C12orf42: variants seen among roughly 807,000 people sequenced by gnomAD.
The protein encoded by C12orf42 is uncharacterized protein C12orf42.
A neutral mutation model predicts 21.6 loss-of-function variants in C12orf42; 25 were observed. The observed-to-expected ratio is 1.16, with a 90% CI of 0.84 to 1.62. C12orf42 has a LOEUF of 1.62. Among genes scored for constraint, C12orf42 ranks in the 40% most tolerant of loss-of-function variants. The pLI, the probability that C12orf42 is intolerant of heterozygous loss-of-function variation, is 0.00. For missense variants in C12orf42, 483 were observed against 459.3 expected (o/e 1.05, Z -0.47); for synonymous variants, 174 against 175.0 (o/e 0.99, Z 0.05).
At chr12:103,216,541 T>G in the C12orf42 span, among the ~76,000 whole-genome samples, 2 of 151,030 alleles carry the variant, frequency 1.3e-5, no homozygotes, top group African/African-American at 4.9e-5. Flanking sequence ...GCCTGGCTAA[T>G]TTTTTTTTGT....
chr12:103,361,353 G>C (rs563279437), intron 4 of C12orf42, among the ~76,000 whole-genome samples: 14 of 152,262 alleles, frequency 9.2e-5, no homozygotes, highest in African/African-American at 3.4e-4. Flanking sequence ...AGGGGTAGAG[G>C]AAGCAGCAGG....
At chr12:103,146,778 T>A in the C12orf42 span, among the ~76,000 whole-genome samples, 1 of 152,218 alleles carries the variant, frequency 6.6e-6, no homozygotes, top group African/African-American at 2.4e-5. Context: ...GTATATCTTT[T>A]TTCACAATAT....
the C12orf42 span, among the ~76,000 whole-genome samples, chr12:103,132,011 C>CAA: frequency 6.6e-6 from 1 of 152,078 alleles, no homozygotes; most frequent in Non-Finnish European, 1.5e-5. Flanking sequence ...AGTCACACTT[C>CAA]AAACCGTCTA....
At chr12:103,300,841 T>C (rs2037599581), downstream of C12orf42, among the ~76,000 whole-genome samples, 1 of 152,144 alleles carries the variant, frequency 6.6e-6, no homozygotes, top group Non-Finnish European at 1.5e-5. Context: ...ACCACAGCAA[T>C]CAACATTGAT....
At chr12:103,546,748 G>C in the C12orf42 span, among the ~76,000 whole-genome samples, 1 of 152,168 alleles carries the variant, frequency 6.6e-6, no homozygotes, top group African/African-American at 2.4e-5. Context: ...CATATAAAAT[G>C]TTTTAAGCTG....
intron 4 of C12orf42, among the ~76,000 whole-genome samples, chr12:103,310,737 G>T (rs955302870): frequency 6.6e-6 from 1 of 152,150 alleles, no homozygotes; most frequent in African/African-American, 2.4e-5. Flanking sequence ...CCTCCAAAAC[G>T]TTAGGCTTTT....
At chr12:103,337,411 C>A (rs747688894) in intron 4 of C12orf42, among the ~76,000 whole-genome samples, 1 of 152,150 alleles carries the variant, frequency 6.6e-6, no homozygotes, top group Non-Finnish European at 1.5e-5. Flanking sequence ...AGTGCACTGG[C>A]GCAATCTTGG....
chr12:103,090,583 T>C, the C12orf42 span, among the ~76,000 whole-genome samples: 1 of 152,212 alleles, frequency 6.6e-6, no homozygotes, highest in Non-Finnish European at 1.5e-5. Flanking sequence ...TTGAGCTATG[T>C]AAATAATGAT....
At chr12:103,359,516 G>A (rs2043895703) in intron 4 of C12orf42, among the ~76,000 whole-genome samples, 1 of 152,008 alleles carries the variant, frequency 6.6e-6, no homozygotes, top group African/African-American at 2.4e-5. Flanking sequence ...ATACAAGGAT[G>A]CATTACACTA....
chr12:103,224,084 C>CGGTG, the C12orf42 span, among the ~76,000 whole-genome samples: 2 of 151,584 alleles, frequency 1.3e-5, no homozygotes, highest in Non-Finnish European at 2.9e-5. Flanking sequence ...GAAATGACTG[C>CGGTG]GGTGGCCTTC....
upstream of C12orf42, among the ~76,000 whole-genome samples, chr12:103,500,933 T>C (rs894169860): frequency 6.6e-6 from 1 of 152,252 alleles, no homozygotes; most frequent in Non-Finnish European, 1.5e-5. Context: ...AGGCATTTGC[T>C]AGTCGCTTTC....
the C12orf42 span, among the ~76,000 whole-genome samples, chr12:103,168,685 A>T: frequency 6.6e-6 from 1 of 152,238 alleles, no homozygotes; most frequent in East Asian, 1.9e-4. Context: ...ATTATAAATC[A>T]TTCTACTATA....
chr12:103,453,135 C>T (rs2059947644), intron 2 of C12orf42, among the ~76,000 whole-genome samples: 1 of 151,816 alleles, frequency 6.6e-6, no homozygotes, highest in South Asian at 2.1e-4. Context: ...CACAGTATAA[C>T]TCTCCCATAA....
chr12:103,150,299 T>C, the C12orf42 span, among the ~76,000 whole-genome samples: 88 of 152,288 alleles, frequency 5.8e-4, 1 homozygote, highest in East Asian at 0.016. Flanking sequence ...CACAATTAAA[T>C]AGGCAAAAGC....
At chr12:103,414,653 G>A (rs2049146198) in intron 2 of C12orf42, among the ~76,000 whole-genome samples, 2 of 151,992 alleles carry the variant, frequency 1.3e-5, no homozygotes, top group Non-Finnish European at 2.9e-5. Flanking sequence ...TTTCTTTGTG[G>A]CTATTGTAAG....
At chr12:103,192,598 A>C in the C12orf42 span, among the ~76,000 whole-genome samples, 217 of 152,240 alleles carry the variant, frequency 1.4e-3, no homozygotes, top group African/African-American at 4.6e-3. Flanking sequence ...TAGGTGCTAT[A>C]GTAACATGAG....
At chr12:103,306,391 CT>C in intron 4 of C12orf42, 46 bp from the exon 5 acceptor site, 1 of 1,524,926 alleles carries the variant, frequency 6.6e-7, no homozygotes, top group Non-Finnish European at 8.8e-7. Context: ...CCAAAAACAC[CT>C]GCTAAATTAA....
downstream of C12orf42, among the ~76,000 whole-genome samples, chr12:103,297,167 T>C (rs1035103513): frequency 7.9e-5 from 12 of 152,202 alleles, no homozygotes; most frequent in Admixed American, 2.0e-4. Context: ...ATCAGATGGC[T>C]GTAGATGTGT....
the C12orf42 span, chr12:103,548,678 T>C: frequency 6.6e-6 from 1 of 152,246 alleles, no homozygotes; most frequent in African/African-American, 2.4e-5. Context: ...ATTTGGGGCA[T>C]ATTTTATAAT....
Sources: gnomAD v4.1 joint callset for allele counts (sites outside exome capture counted in the v4.1 genomes callset) on GRCh38, gnomAD v4.1.1 for gene constraint, MANE v1.5 for transcripts, NCBI Gene and HGNC (gene_info 2026-07-23, HGNC 2026-07-21) for gene names.